RPS6KA3: variants seen among roughly 807,000 people sequenced by gnomAD.
RPS6KA3 encodes ribosomal protein S6 kinase A3, also known as ribosomal protein S6 kinase alpha-3.
RPS6KA3 carries 4 observed loss-of-function variants against 67.2 expected under a neutral mutation model. That is an observed-to-expected ratio of 0.06 (90% CI 0.03 to 0.14). The LOEUF (loss-of-function observed/expected upper bound fraction) is 0.14. RPS6KA3 is among the 10% of genes least tolerant of loss of function. The probability of loss-of-function intolerance (pLI) is 1.00; values close to 1 mark genes in which losing one functional copy is unlikely to be tolerated. For missense variants in RPS6KA3, 204 were observed against 559.0 expected (o/e 0.36, Z 6.40); for synonymous variants, 182 against 183.7 (o/e 0.99, Z 0.07).
chrX:20,209,647 C>T (rs1387697941), intron 2 of RPS6KA3, among the ~76,000 whole-genome samples: 1 of 111,913 alleles, frequency 8.9e-6, no homozygotes, highest in Non-Finnish European at 1.9e-5. Context: ...CAGCCTACTA[C>T]ATAGGCCAAT....
At chrX:20,233,605 G>T (rs894953197) in intron 2 of RPS6KA3, among the ~76,000 whole-genome samples, 1 of 109,692 alleles carries the variant, frequency 9.1e-6, no homozygotes, top group East Asian at 2.9e-4. Flanking sequence ...AAAAAAATTA[G>T]CTGGGTGTCG....
At chrX:20,232,996 C>T (rs1188295647) in intron 2 of RPS6KA3, among the ~76,000 whole-genome samples, 1 of 110,853 alleles carries the variant, frequency 9.0e-6, no homozygotes, top group Non-Finnish European at 1.9e-5. Flanking sequence ...ATCAGTCAGG[C>T]GTGGTGACGG....
At chrX:20,234,430 G>A (rs1009105183) in intron 2 of RPS6KA3, among the ~76,000 whole-genome samples, 11 of 111,679 alleles carry the variant, frequency 9.8e-5, no homozygotes, top group African/African-American at 2.0e-4. Flanking sequence ...AGCCAAGATC[G>A]CGCCATTGCA....
chrX:20,250,514 G>A (rs1229815742), intron 1 of RPS6KA3, among the ~76,000 whole-genome samples: 2 of 112,035 alleles, frequency 1.8e-5, no homozygotes, highest in African/African-American at 3.2e-5. Context: ...ATCAAGTTGA[G>A]CAAGTCCTCC....
chrX:20,227,572 T>C (rs1221301081), intron 2 of RPS6KA3, among the ~76,000 whole-genome samples: 2 of 111,588 alleles, frequency 1.8e-5, no homozygotes, highest in African/African-American at 6.5e-5. Context: ...AGTGTTTTGA[T>C]ATTTCAGAGA....
chrX:20,240,801 A>C (rs1179318470), intron 1 of RPS6KA3: 1 of 110,931 alleles, frequency 9.0e-6, no homozygotes, highest in Admixed American at 9.6e-5. Flanking sequence ...TGATGCAAAA[A>C]ATATGCTTGC....
At chrX:20,200,305 A>T (rs1269842846) in intron 4 of RPS6KA3, among the ~76,000 whole-genome samples, 1 of 112,065 alleles carries the variant, frequency 8.9e-6, no homozygotes, top group Non-Finnish European at 1.9e-5. Flanking sequence ...TTGCAATATA[A>T]AAGTGTTGAA....
intron 15 of RPS6KA3, among the ~76,000 whole-genome samples, chrX:20,170,627 T>G (rs1257321572): frequency 9.0e-6 from 1 of 111,201 alleles, no homozygotes; most frequent in Non-Finnish European, 1.9e-5. Flanking sequence ...TTTTTCTTTT[T>G]TTGAGACAGG....
At chrX:20,194,868 T>TA (rs894639119) in intron 5 of RPS6KA3, among the ~76,000 whole-genome samples, 197 bp downstream of exon 5, 1 of 110,924 alleles carries the variant, frequency 9.0e-6, no homozygotes, top group Admixed American at 9.7e-5. Context: ...TTATAATATT[T>TA]AAAAAAAACA....
chrX:20,178,917 T>C (rs1026953754), intron 10 of RPS6KA3, among the ~76,000 whole-genome samples: 6 of 110,452 alleles, frequency 5.4e-5, no homozygotes, highest in South Asian at 7.6e-4. Flanking sequence ...TGGACTAACA[T>C]GACTAGACTT....
chrX:20,235,220 A>G (rs1239170228), intron 1 of RPS6KA3, among the ~76,000 whole-genome samples: 1 of 111,273 alleles, frequency 9.0e-6, no homozygotes, highest in African/African-American at 3.3e-5. Flanking sequence ...GAGAAAATTA[A>G]GCCCAATCTC....
At chrX:20,172,995 C>T (rs2067609562) in intron 14 of RPS6KA3, 124 bp from the exon 15 acceptor site, 1 of 566,385 alleles carries the variant, frequency 1.8e-6, no homozygotes, top group Non-Finnish European at 2.9e-6. Flanking sequence ...AATAAAAATA[C>T]ATCTTTATAG....
chrX:20,184,506 A>C (rs2067928192), intron 10 of RPS6KA3, among the ~76,000 whole-genome samples: 2 of 107,766 alleles, frequency 1.9e-5, no homozygotes, highest in Admixed American at 2.0e-4. Flanking sequence ...CCCAGGCTCA[A>C]GTGATCCTCT....
intron 7 of RPS6KA3, among the ~76,000 whole-genome samples, chrX:20,189,062 G>A (rs2068058512): frequency 1.8e-5 from 2 of 111,890 alleles, no homozygotes; most frequent in South Asian, 3.7e-4. Context: ...CCTAAGGTGT[G>A]AGCCACTGCG....
intron 2 of RPS6KA3, among the ~76,000 whole-genome samples, chrX:20,219,166 C>T: frequency 8.9e-6 from 1 of 111,991 alleles, no homozygotes; most frequent in Non-Finnish European, 1.9e-5. Context: ...TTTTCACAAC[C>T]AGTGAAACAA....
At chrX:20,213,502 A>T (rs1370958753) in intron 2 of RPS6KA3, among the ~76,000 whole-genome samples, 3 of 111,071 alleles carry the variant, frequency 2.7e-5, no homozygotes, top group African/African-American at 9.9e-5. Flanking sequence ...TTGCAAAAGG[A>T]GGCTAATAGT....
chrX:20,221,438 A>T (rs2068985267), intron 2 of RPS6KA3, among the ~76,000 whole-genome samples: 1 of 112,201 alleles, frequency 8.9e-6, no homozygotes, highest in Non-Finnish European at 1.9e-5. Context: ...ATAAACAAAA[A>T]GGGAAAAAAT....
chrX:20,219,205 G>T (rs1255699539), intron 2 of RPS6KA3, among the ~76,000 whole-genome samples: 3 of 111,882 alleles, frequency 2.7e-5, no homozygotes, highest in African/African-American at 9.7e-5. Flanking sequence ...CCTGAGAAAT[G>T]CCAGAATTTC....
intron 1 of RPS6KA3, among the ~76,000 whole-genome samples, chrX:20,252,817 G>A (rs1479630338): frequency 1.8e-5 from 2 of 111,266 alleles, no homozygotes; most frequent in Non-Finnish European, 3.8e-5. Context: ...CTTGCCAGAT[G>A]GGAGTGAAGG....
Sources: gnomAD v4.1 joint callset for allele counts (sites outside exome capture counted in the v4.1 genomes callset) on GRCh38, gnomAD v4.1.1 for gene constraint, MANE v1.5 for transcripts, NCBI Gene and HGNC (gene_info 2026-07-23, HGNC 2026-07-21) for gene names.